Variants in CFAP299 observed in about 807,000 individuals in gnomAD.
The protein encoded by CFAP299 is cilia- and flagella-associated protein 299.
CFAP299 carries 21 observed loss-of-function variants against 27.0 expected under a neutral mutation model. The ratio of observed to expected loss-of-function variants is 0.78; its 90% CI spans 0.55 to 1.12. The LOEUF (loss-of-function observed/expected upper bound fraction) is 1.12. Ranked by LOEUF, CFAP299 falls within the 50% of genes most tolerant of loss-of-function variation. The probability of loss-of-function intolerance (pLI) is 0.00; values close to 1 mark genes in which losing one functional copy is unlikely to be tolerated. For synonymous variants in CFAP299, 104 were observed against 98.1 expected, an observed-to-expected ratio of 1.06 and a Z score of -0.36; for missense variants, 310 against 276.6, an observed-to-expected ratio of 1.12 and a Z score of -0.86.
intron 2 of CFAP299, among the ~76,000 whole-genome samples, chr4:80,516,999 T>C (rs1732621163): frequency 6.6e-6 from 1 of 152,186 alleles, no homozygotes; most frequent in Non-Finnish European, 1.5e-5. Flanking sequence ...AGTTCAGGGC[T>C]TTGGTATAAT....
At chr4:80,609,541 A>ATCATATAATT (rs748634175) in intron 3 of CFAP299, among the ~76,000 whole-genome samples, 5 of 152,064 alleles carry the variant, frequency 3.3e-5, no homozygotes, top group Non-Finnish European at 7.4e-5. Context: ...TTTATTTAAT[A>ATCATATAATT]TCATATAATT....
chr4:80,343,569 C>G (rs1485414084), intron 1 of CFAP299, among the ~76,000 whole-genome samples: 13 of 152,114 alleles, frequency 8.5e-5, no homozygotes, highest in Admixed American at 8.5e-4. Context: ...GCGGGTGGAT[C>G]ATGAGGTCAG....
chr4:80,428,823 GC>G (rs1727658635), intron 2 of CFAP299, among the ~76,000 whole-genome samples: 1 of 151,982 alleles, frequency 6.6e-6, no homozygotes, highest in Admixed American at 6.6e-5. Flanking sequence ...ACAGGCGTGA[GC>G]CACCACACCA....
At chr4:80,816,456 C>T (rs1477362887) in intron 3 of CFAP299, among the ~76,000 whole-genome samples, 2 of 152,082 alleles carry the variant, frequency 1.3e-5, no homozygotes, top group Non-Finnish European at 2.9e-5. Flanking sequence ...GTCAAACAAA[C>T]CAAGAAACCT....
intron 3 of CFAP299, among the ~76,000 whole-genome samples, chr4:80,770,711 T>C (rs1262843751): frequency 6.6e-6 from 1 of 152,208 alleles, no homozygotes; most frequent in Non-Finnish European, 1.5e-5. Flanking sequence ...GCCAGCTGCC[T>C]CATTTGGAAT....
chr4:80,538,267 T>A (rs1733837342), intron 2 of CFAP299, among the ~76,000 whole-genome samples: 1 of 152,196 alleles, frequency 6.6e-6, no homozygotes, highest in Admixed American at 6.5e-5. Flanking sequence ...TTTGTATTTT[T>A]GTACAATGTT....
chr4:80,642,770 A>G (rs1211592717), intron 3 of CFAP299, among the ~76,000 whole-genome samples: 1 of 152,196 alleles, frequency 6.6e-6, no homozygotes. Flanking sequence ...CTCAAAAAGA[A>G]TAAAAAAAGT....
chr4:80,661,027 G>T (rs17004965), intron 3 of CFAP299, among the ~76,000 whole-genome samples: 2 of 151,748 alleles, frequency 1.3e-5, no homozygotes, highest in Non-Finnish European at 2.9e-5. Flanking sequence ...TGCTAACTCC[G>T]TTAAAGTGAT....
intron 3 of CFAP299, among the ~76,000 whole-genome samples, chr4:80,852,760 T>C (rs10028057): frequency 0.61 from 92,374 of 152,136 alleles, 34,489 homozygotes; most frequent in Non-Finnish European, 0.81. Flanking sequence ...CTATTGAAAA[T>C]GCTCTTGATG....
intron 3 of CFAP299, among the ~76,000 whole-genome samples, chr4:80,713,311 G>C (rs1722283829): frequency 1.3e-5 from 2 of 152,184 alleles, no homozygotes; most frequent in Admixed American, 6.5e-5. Context: ...AAGAGCTGCA[G>C]TCCAGAGAAT....
At chr4:80,512,926 TAAC>T (rs1273855593) in intron 2 of CFAP299, among the ~76,000 whole-genome samples, 3 of 152,150 alleles carry the variant, frequency 2.0e-5, no homozygotes, top group Non-Finnish European at 2.9e-5. Flanking sequence ...AATTATATAA[TAAC>T]ATGTTTTTAA....
At chr4:80,952,604 A>G (rs952698246) in intron 5 of CFAP299, among the ~76,000 whole-genome samples, 5 of 152,214 alleles carry the variant, frequency 3.3e-5, no homozygotes, top group Admixed American at 3.3e-4. Flanking sequence ...CTAAAAACAA[A>G]TATGTCAAAT....
chr4:80,416,034 CAGTA>C (rs1420429455), intron 2 of CFAP299, among the ~76,000 whole-genome samples: 1 of 152,156 alleles, frequency 6.6e-6, no homozygotes, highest in African/African-American at 2.4e-5. Flanking sequence ...CTGAAATAAA[CAGTA>C]AGAAAGCAAA....
chr4:80,356,097 C>A (rs1369648306), intron 1 of CFAP299, among the ~76,000 whole-genome samples: 2 of 79,426 alleles, frequency 2.5e-5, no homozygotes, highest in African/African-American at 1.2e-4. Context: ...ATAGGGAATC[C>A]TTTCCCCATT....
chr4:80,576,403 T>C (rs1469081371), intron 2 of CFAP299, among the ~76,000 whole-genome samples: 1 of 151,710 alleles, frequency 6.6e-6, no homozygotes, highest in Admixed American at 6.6e-5. Context: ...GTGCCCCATA[T>C]CAAAATACAG....
At chr4:80,576,335 A>G (rs1409186951) in intron 2 of CFAP299, among the ~76,000 whole-genome samples, 1 of 151,738 alleles carries the variant, frequency 6.6e-6, no homozygotes, top group Non-Finnish European at 1.5e-5. Context: ...AAAACAGAAA[A>G]ATGTCATGTT....
intron 4 of CFAP299, chr4:80,870,573 A>G: frequency 9.1e-6 from 9 of 987,062 alleles, no homozygotes; most frequent in Non-Finnish European, 9.6e-6. Context: ...TGGGACACCC[A>G]TTCCTTAACA....
chr4:80,322,302 C>G, the CFAP299 span, among the ~76,000 whole-genome samples: 1 of 152,176 alleles, frequency 6.6e-6, no homozygotes, highest in South Asian at 2.1e-4. Context: ...ATCAGTGCAA[C>G]AAAACAGCAA....
chr4:80,708,581 A>C (rs1721955308), intron 3 of CFAP299, among the ~76,000 whole-genome samples: 1 of 152,086 alleles, frequency 6.6e-6, no homozygotes, highest in South Asian at 2.1e-4. Flanking sequence ...CTAGTGTTAA[A>C]ATATTTATGA....
Sources: gnomAD v4.1 joint callset for allele counts (sites outside exome capture counted in the v4.1 genomes callset) on GRCh38, gnomAD v4.1.1 for gene constraint, MANE v1.5 for transcripts, NCBI Gene and HGNC (gene_info 2026-07-23, HGNC 2026-07-21) for gene names.